FAM120B: variants seen among roughly 807,000 people sequenced by gnomAD.
The protein encoded by FAM120B is family with sequence similarity 120 member B, also known as constitutive coactivator of peroxisome proliferator-activated receptor gamma.
A neutral mutation model predicts 96.3 loss-of-function variants in FAM120B; 83 were observed. The ratio of observed to expected loss-of-function variants is 0.86; its 90% CI spans 0.72 to 1.03. The LOEUF (loss-of-function observed/expected upper bound fraction) is 1.03, where lower values mean the gene tolerates loss of function less well. Among genes scored for constraint, FAM120B ranks in the 50% least tolerant of loss-of-function variants. The pLI is 0.00. For missense variants in FAM120B, 1,027 were observed against 1,121.2 expected (o/e 0.92, Z 1.20); for synonymous variants, 407 against 402.7 (o/e 1.01, Z -0.13).
At chr6:170,299,671 C>T (rs1784100267) in intron 1 of FAM120B, among the ~76,000 whole-genome samples, 1 of 152,202 alleles carries the variant, frequency 6.6e-6, no homozygotes, top group South Asian at 2.1e-4. Flanking sequence ...AGGAATTATT[C>T]CTTCTTGGAT....
rs749606346 is a variant in FAM120B, at chr6:170,316,151, AT to A, written c.-21-1216del. ...CAACCTAACAATTTATAGTTTCTTC[AT>A]TTGTAAAATAAAGCTGATAATATTT... On this transcript the variant is annotated intron_variant, in intron 1 of 10. Coordinates refer to ENST00000476287, the MANE Select transcript of FAM120B (RefSeq NM_032448.3). Among the ~76,000 whole-genome samples, 4 of 151,376 alleles carry A rather than the reference AT, an allele frequency of 2.6e-5. No homozygotes were observed. In the East Asian group the frequency reaches 5.8e-4, roughly 22 times the overall value.
intron 1 of FAM120B, among the ~76,000 whole-genome samples, chr6:170,299,922 C>A (rs1471260095): frequency 6.6e-6 from 1 of 152,206 alleles, no homozygotes; most frequent in Admixed American, 6.5e-5. Flanking sequence ...GACATCTTCA[C>A]CATTACAATG....
chr6:170,330,718 T>C (rs752956334), intron 4 of FAM120B, 168 bp downstream of exon 4: 2 of 613,788 alleles, frequency 3.3e-6, no homozygotes, highest in African/African-American at 3.7e-5. Flanking sequence ...AGTCCCAAAA[T>C]AATGGAAGGA....
chr6:170,353,078 A>G (rs1252698669), intron 5 of FAM120B, among the ~76,000 whole-genome samples: 1 of 152,224 alleles, frequency 6.6e-6, no homozygotes, highest in Non-Finnish European at 1.5e-5. Flanking sequence ...AGCAACCATC[A>G]GAGAATACTG....
chr6:170,328,239 T>A (rs1562532167), intron 3 of FAM120B, among the ~76,000 whole-genome samples: 1 of 152,224 alleles, frequency 6.6e-6, no homozygotes, highest in Non-Finnish European at 1.5e-5. Context: ...CTCTACTTCC[T>A]GAATTCATAC....
intron 5 of FAM120B, among the ~76,000 whole-genome samples, chr6:170,356,857 T>A (rs962671988): frequency 6.6e-6 from 1 of 152,152 alleles, no homozygotes; most frequent in Non-Finnish European, 1.5e-5. Context: ...GAAAGGTAAG[T>A]TTACATCATA....
intron 3 of FAM120B, 122 bp downstream of exon 3, chr6:170,323,381 C>A: frequency 1.3e-6 from 1 of 773,318 alleles, no homozygotes. Flanking sequence ...GTTTTATATC[C>A]CTGTCAAATC....
chr6:170,364,946 G>A (rs1481868853), intron 6 of FAM120B, among the ~76,000 whole-genome samples: 1 of 152,064 alleles, frequency 6.6e-6, no homozygotes. Context: ...GATGACCATG[G>A]GATGATTTTC....
chr6:170,349,863 A>G (rs1787458991), intron 5 of FAM120B, among the ~76,000 whole-genome samples: 1 of 152,180 alleles, frequency 6.6e-6, no homozygotes, highest in Non-Finnish European at 1.5e-5. Flanking sequence ...CACAGAGAAC[A>G]AAGTAAACTA....
intron 6 of FAM120B, among the ~76,000 whole-genome samples, chr6:170,377,419 A>T (rs150085376): frequency 2.1e-5 from 1 of 47,508 alleles, no homozygotes. Context: ...GCGTCCCTAA[A>T]CCCAGACGCC....
intron 1 of FAM120B, among the ~76,000 whole-genome samples, 186 bp downstream of exon 1, chr6:170,307,028 G>A (rs541419160): frequency 1.3e-5 from 2 of 152,150 alleles, no homozygotes; most frequent in African/African-American, 4.8e-5. Context: ...TCGCGTCCCC[G>A]CTGCCGAGCC....
At chr6:170,395,357 A>G (rs948272373) in intron 8 of FAM120B, 130 bp from the exon 9 acceptor site, 11 of 739,532 alleles carry the variant, frequency 1.5e-5, no homozygotes, top group African/African-American at 1.4e-4. Context: ...GCGTTTTTTC[A>G]TGACCCTCCC....
chr6:170,318,614 A>G lies in FAM120B; in HGVS notation c.1224A>G (p.Glu408=). The part of the protein sequence containing the change: ...RREVPMCSDP[E]PRQEVPMCTG... ...AAGTTCCCATGTGTTCAGACCCTGA[A>G]CCCAGGCAAGAAGTTCCCATGTGTA... Residue 408 remains glutamate, a synonymous_variant, in exon 2 of 11, where the codon GAA becomes GAG. Transcript: ENST00000476287. 6.3e-7 allele frequency: 1 copy of G among 1,589,192 alleles called. No individual in the cohort carries two copies. The highest frequency in any genetic ancestry group is 8.6e-7 in the Non-Finnish European group (1 of 1,166,042).
chr6:170,326,885 T>C (rs1406267932), intron 3 of FAM120B, among the ~76,000 whole-genome samples: 1 of 151,976 alleles, frequency 6.6e-6, no homozygotes, highest in Non-Finnish European at 1.5e-5. Context: ...ATGACAGGCA[T>C]GCGCCACCAC....
chr6:170,385,485 T>C (rs537584651), intron 6 of FAM120B, among the ~76,000 whole-genome samples: 60 of 152,210 alleles, frequency 3.9e-4, no homozygotes, highest in Non-Finnish European at 6.6e-4. Flanking sequence ...ACTAGTGAAA[T>C]AGGAAACAAA....
At chr6:170,293,414 T>C (rs1783929083), upstream of FAM120B, among the ~76,000 whole-genome samples, 1 of 152,126 alleles carries the variant, frequency 6.6e-6, no homozygotes, top group South Asian at 2.1e-4. Context: ...GGCTTAAACC[T>C]TGGGGGGAAA....
Position 170,401,819 on chromosome 6 carries a change from A to T in FAM120B, c.2693-2731A>T, listed in dbSNP as rs540972000. ...GTAAGTATAATGCAGATATTCCAAA[A>T]TCTGAAAAAAATCTGAAACCTGAAC... On this transcript the variant is annotated intron_variant, in intron 9 of 10. Transcript: ENST00000476287. 5.9e-5 allele frequency among the ~76,000 whole-genome samples: 9 copies of T among 152,364 alleles called. No individual in the cohort carries two copies. In the South Asian group the frequency reaches 1.7e-3, roughly 28 times the overall value.
At chr6:170,394,752 C>T (rs184303012) in intron 8 of FAM120B, among the ~76,000 whole-genome samples, 41 of 152,004 alleles carry the variant, frequency 2.7e-4, no homozygotes, top group Admixed American at 9.9e-4. Flanking sequence ...GGTGGAGGCA[C>T]ACCCTGCAAG....
At chr6:170,388,565 C>T (rs551106281) in intron 7 of FAM120B, 72 bp downstream of exon 7, 38 of 1,305,550 alleles carry the variant, frequency 2.9e-5, no homozygotes, top group Admixed American at 5.2e-5. Context: ...AACATGAAGT[C>T]GGCTGTTGCA....
Sources: gnomAD v4.1 joint callset for allele counts (sites outside exome capture counted in the v4.1 genomes callset) on GRCh38, gnomAD v4.1.1 for gene constraint, MANE v1.5 for transcripts, NCBI Gene and HGNC (gene_info 2026-07-23, HGNC 2026-07-21) for gene names.